Variants in MNAT1 observed in about 807,000 individuals in gnomAD.
MNAT1 encodes the protein MNAT1 component of CDK activating kinase.
MNAT1 carries 43 observed loss-of-function variants against 42.0 expected under a neutral mutation model. That is an observed-to-expected ratio of 1.02 (90% confidence interval 0.80 to 1.32). The LOEUF (loss-of-function observed/expected upper bound fraction) is 1.32. Ranked by LOEUF, MNAT1 falls within the 40% of genes most tolerant of loss-of-function variation. The probability of loss-of-function intolerance (pLI) is 0.00; values close to 1 mark genes in which losing one functional copy is unlikely to be tolerated. For synonymous variants in MNAT1, 118 were observed against 120.0 expected, an observed-to-expected ratio of 0.98 and a Z score of 0.11; for missense variants, 306 against 350.4, an observed-to-expected ratio of 0.87 and a Z score of 1.01.
In MNAT1 at chr14:60,747,269, C is replaced by T. The variant is rs964130445; in HGVS notation, c.89+12318C>T. Among the ~76,000 whole-genome samples, 15 of 152,152 alleles carry T rather than the reference C, an allele frequency of 9.9e-5. No individual in the cohort carries two copies. In the East Asian group the frequency reaches 1.7e-3, roughly 18 times the overall value. On this transcript the variant is annotated intron_variant, in intron 1 of 7. Transcript: ENST00000261245. ...AAAGTGCTAGGATTACAGGCGTGAG[C>T]CAATGCGCCCTGCCCAAAATTATGT... is the stretch of plus-strand genomic sequence containing the variant.
chr14:60,846,260 T>C (rs957556984), intron 6 of MNAT1, among the ~76,000 whole-genome samples: 2 of 152,112 alleles, frequency 1.3e-5, no homozygotes, highest in African/African-American at 4.8e-5. Flanking sequence ...AGGGTCAGGA[T>C]CACGTTCACT....
At chr14:60,902,611 A>C (rs1286482637) in intron 7 of MNAT1, among the ~76,000 whole-genome samples, 1 of 152,152 alleles carries the variant, frequency 6.6e-6, no homozygotes, top group Non-Finnish European at 1.5e-5. Flanking sequence ...CTTAGCTAAT[A>C]AGATACATCC....
intron 1 of MNAT1, among the ~76,000 whole-genome samples, chr14:60,748,429 T>C (rs1294894605): frequency 2.0e-5 from 3 of 152,132 alleles, no homozygotes; most frequent in Non-Finnish European, 4.4e-5. Context: ...TGAGGTATCA[T>C]TATGTTGCCC....
At chr14:60,947,079 C>T (rs1477581729) in intron 7 of MNAT1, among the ~76,000 whole-genome samples, 1 of 152,158 alleles carries the variant, frequency 6.6e-6, no homozygotes, top group Admixed American at 6.5e-5. Context: ...CTCACAAAGA[C>T]CCCATTTCCA....
chr14:60,778,259 TAATA>T (rs2031322523), intron 1 of MNAT1, among the ~76,000 whole-genome samples: 2 of 152,180 alleles, frequency 1.3e-5, no homozygotes, highest in South Asian at 4.1e-4. Context: ...CAGATAATTA[TAATA>T]AATAGAGTTC....
chr14:60,792,892 T>C (rs1305625985), intron 1 of MNAT1, among the ~76,000 whole-genome samples: 4 of 152,234 alleles, frequency 2.6e-5, no homozygotes, highest in Admixed American at 2.6e-4. Context: ...TTCTGCAGAA[T>C]GTAAAGTTTT....
intron 5 of MNAT1, among the ~76,000 whole-genome samples, chr14:60,817,230 A>G (rs1375664012): frequency 1.3e-5 from 2 of 151,758 alleles, no homozygotes; most frequent in Non-Finnish European, 3.0e-5. Context: ...TTAATTTTAT[A>G]TTTTATTATA....
At chr14:60,911,288 T>G (rs547950390) in intron 7 of MNAT1, among the ~76,000 whole-genome samples, 1 of 152,364 alleles carries the variant, frequency 6.6e-6, no homozygotes, top group Non-Finnish European at 1.5e-5. Context: ...CCTGGATTCA[T>G]TGATTTTTTT....
chr14:60,771,382 T>G (rs1016753887), intron 1 of MNAT1, among the ~76,000 whole-genome samples: 4 of 152,346 alleles, frequency 2.6e-5, no homozygotes, highest in Admixed American at 2.6e-4. Flanking sequence ...TGTCCACTTT[T>G]TACTCTCCCT....
intron 3 of MNAT1, among the ~76,000 whole-genome samples, chr14:60,802,975 C>G (rs2032254582): frequency 6.6e-6 from 1 of 150,480 alleles, no homozygotes; most frequent in African/African-American, 2.4e-5. Context: ...CTCTGTCGCC[C>G]AGGCTGGAGT....
At chr14:60,882,033 C>T (rs1305536361) in intron 7 of MNAT1, among the ~76,000 whole-genome samples, 1 of 151,970 alleles carries the variant, frequency 6.6e-6, no homozygotes, top group Non-Finnish European at 1.5e-5. Context: ...TGGTGGTATG[C>T]ACCTTTAATC....
At chr14:60,802,785 C>G (rs1199641156) in intron 3 of MNAT1, among the ~76,000 whole-genome samples, 3 of 151,982 alleles carry the variant, frequency 2.0e-5, no homozygotes, top group Non-Finnish European at 4.4e-5. Context: ...GCAGTATTTT[C>G]TATTATTTTG....
intron 6 of MNAT1, among the ~76,000 whole-genome samples, chr14:60,863,910 G>GT (rs1431760650): frequency 6.6e-6 from 1 of 152,020 alleles, no homozygotes; most frequent in Non-Finnish European, 1.5e-5. Flanking sequence ...GCATTGCCAG[G>GT]AATTACTCTT....
chr14:60,816,832 G>A (rs566219234), intron 5 of MNAT1, among the ~76,000 whole-genome samples: 2 of 152,114 alleles, frequency 1.3e-5, no homozygotes, highest in East Asian at 3.9e-4. Flanking sequence ...AATAAAGTAG[G>A]TTGGAACTAA....
chr14:60,906,623 G>A (rs2139515765), intron 7 of MNAT1, among the ~76,000 whole-genome samples: 1 of 152,286 alleles, frequency 6.6e-6, no homozygotes, highest in East Asian at 1.9e-4. Flanking sequence ...TTTTATCTGA[G>A]CAAATGGTTG....
chr14:60,913,021 G>A (rs1272407721), intron 7 of MNAT1, among the ~76,000 whole-genome samples: 5 of 152,036 alleles, frequency 3.3e-5, no homozygotes, highest in South Asian at 2.1e-4. Flanking sequence ...GGCTTTGTTT[G>A]TTTCTTTTTA....
chr14:60,913,179 G>C (rs938103284), intron 7 of MNAT1, among the ~76,000 whole-genome samples: 1 of 152,032 alleles, frequency 6.6e-6, no homozygotes, highest in African/African-American at 2.4e-5. Flanking sequence ...AGCTCCATTA[G>C]TTCCTTTAAG....
intron 6 of MNAT1, among the ~76,000 whole-genome samples, chr14:60,863,466 C>T (rs2034142101): frequency 6.6e-6 from 1 of 152,118 alleles, no homozygotes; most frequent in Non-Finnish European, 1.5e-5. Context: ...TCTGTCTCAA[C>T]AACTGACGGA....
intron 7 of MNAT1, among the ~76,000 whole-genome samples, chr14:60,926,556 T>C (rs117584685): frequency 6.6e-6 from 1 of 152,174 alleles, no homozygotes; most frequent in Non-Finnish European, 1.5e-5. Flanking sequence ...TTTATCCAAC[T>C]ATTATAAGGG....
Sources: gnomAD v4.1 joint callset for allele counts (sites outside exome capture counted in the v4.1 genomes callset) on GRCh38, gnomAD v4.1.1 for gene constraint, MANE v1.5 for transcripts, NCBI Gene and HGNC (gene_info 2026-07-23, HGNC 2026-07-21) for gene names.